Variants in CDH13 observed in about 807,000 individuals in gnomAD.
The protein encoded by CDH13 is cadherin-13.
A neutral mutation model predicts 63.8 loss-of-function variants in CDH13; 24 were observed. The ratio of observed to expected loss-of-function variants is 0.38; its 90% CI spans 0.27 to 0.53. The LOEUF (loss-of-function observed/expected upper bound fraction) is 0.53, where lower values mean the gene tolerates loss of function less well. Ranked by LOEUF, CDH13 falls within the 20% of genes least tolerant of loss-of-function variation. The pLI is 0.85. For synonymous variants in CDH13, 503 were observed against 355.3 expected (o/e 1.42, Z -4.67); for missense variants, 1,049 against 903.1 (o/e 1.16, Z -2.07).
chr16:82,794,183 CTT>C (rs113788844), intron 1 of CDH13, among the ~76,000 whole-genome samples: 2 of 143,094 alleles, frequency 1.4e-5, no homozygotes, highest in Non-Finnish European at 3.1e-5. Flanking sequence ...CTTTTCTTTT[CTT>C]TTTTTTTTTA....
At chr16:83,085,243 A>T (rs2033511507) in intron 3 of CDH13, among the ~76,000 whole-genome samples, 1 of 151,794 alleles carries the variant, frequency 6.6e-6, no homozygotes, top group Non-Finnish European at 1.5e-5. Flanking sequence ...AAAAGCAGAA[A>T]CCCCTGATAA....
At chr16:82,934,193 C>G (rs755440054) in intron 2 of CDH13, among the ~76,000 whole-genome samples, 4 of 152,230 alleles carry the variant, frequency 2.6e-5, no homozygotes, top group Non-Finnish European at 2.9e-5. Context: ...CATTTCCATA[C>G]ATCTTCTGAA....
At position 83,678,898 on chromosome 16, in the gene CDH13, G is replaced by A. The variant is rs117057972; in HGVS notation, c.1538+437G>A. Among the ~76,000 whole-genome samples the A allele has an allele frequency of 6.0e-4, 92 of 152,240 alleles. 1 individual carries two copies. The East Asian group carries it at 8.3e-3, about 14-fold the overall frequency. On this transcript the variant is annotated intron_variant, in intron 10 of 13. Transcript: ENST00000567109. Reference sequence around the variant, plus strand: ...TGGATTCGCAGATTCGTAGAGGTTCGGTACTTGCTCAAGCAGCCCAGCTTG... The same window carrying A: ...TGGATTCGCAGATTCGTAGAGGTTCAGTACTTGCTCAAGCAGCCCAGCTTG...
rs181344027 is a variant in CDH13, at chr16:82,962,989, A to T, written c.158-69021A>T. Among the ~76,000 whole-genome samples, 1,003 of 152,302 alleles carry T rather than the reference A, an allele frequency of 6.6e-3. 10 individuals carry two copies. Among genetic ancestry groups the T allele is most frequent in the African/African-American group, 0.022 (916 of 41,566 alleles). On this transcript the variant is annotated intron_variant, in intron 2 of 13. Coordinates refer to ENST00000567109, the MANE Select transcript of CDH13 (RefSeq NM_001257.5). ...TATTTTTCTTCCTTTTGTAAAAGTT[A>T]TTTGTAATTAACAAATGATCATTTG...
chr16:83,501,480 T>G (rs1001437319), intron 7 of CDH13, among the ~76,000 whole-genome samples: 1 of 152,178 alleles, frequency 6.6e-6, no homozygotes, highest in African/African-American at 2.4e-5. Flanking sequence ...TTATTTCCTC[T>G]GCATGTTAGA....
chr16:83,238,740 T>C (rs987031228), intron 5 of CDH13, among the ~76,000 whole-genome samples: 8 of 150,664 alleles, frequency 5.3e-5, no homozygotes, highest in African/African-American at 1.7e-4. Flanking sequence ...ATATGTGTTT[T>C]TTTGTTTGTT....
rs529046216 is a variant in CDH13 at position 83,754,011 on chromosome 16, G to C, written c.1681+5761G>C. Among the ~76,000 whole-genome samples the C allele has an allele frequency of 1.7e-3, 255 of 152,002 alleles. 1 individual carries two copies. The highest frequency in any genetic ancestry group is 6.0e-3 in the African/African-American group (248 of 41,450). ...GTGAGAGTCAGGCTTGGCCCATGCA[G>C]AGAGCCTAGGATGGAGGGAAAGAAA... On this transcript the variant is annotated intron_variant, in intron 11 of 13. Coordinates refer to ENST00000567109, the MANE Select transcript of CDH13 (RefSeq NM_001257.5).
intron 2 of CDH13, among the ~76,000 whole-genome samples, chr16:82,978,067 C>T (rs1247024551): frequency 5.9e-5 from 9 of 152,092 alleles, no homozygotes; most frequent in South Asian, 4.2e-4. Flanking sequence ...TTTCCCCTGC[C>T]CTAGAGATCT....
intron 4 of CDH13, among the ~76,000 whole-genome samples, chr16:83,137,276 C>G (rs924329189): frequency 6.6e-6 from 1 of 152,180 alleles, no homozygotes; most frequent in Non-Finnish European, 1.5e-5. Context: ...CAAAGCTCCA[C>G]CACTCTTCTC....
intron 6 of CDH13, among the ~76,000 whole-genome samples, chr16:83,348,242 T>G (rs1198265914): frequency 1.3e-5 from 2 of 152,172 alleles, no homozygotes; most frequent in Non-Finnish European, 1.5e-5. Context: ...GCTCTCTTGT[T>G]TCCATGTTTT....
chr16:83,471,095 C>G (rs1048679659), intron 6 of CDH13, among the ~76,000 whole-genome samples: 24 of 152,052 alleles, frequency 1.6e-4, no homozygotes, highest in African/African-American at 5.6e-4. Flanking sequence ...ACTCCCATGT[C>G]TCTCTCTTAC....
intron 6 of CDH13, among the ~76,000 whole-genome samples, chr16:83,484,626 C>T (rs999686162): frequency 6.6e-6 from 1 of 152,224 alleles, no homozygotes; most frequent in Non-Finnish European, 1.5e-5. Context: ...ATGAGGCCAA[C>T]ATCTTTCCCG....
rs1909778007 is a variant in CDH13 at position 82,644,163 on chromosome 16, A to G, written c.45+17026A>G. Among the ~76,000 whole-genome samples the G allele has an allele frequency of 6.6e-6, 1 of 152,184 alleles. No homozygotes were observed. Among genetic ancestry groups the G allele is most frequent in the Non-Finnish European group, 1.5e-5 (1 of 68,030 alleles). On this transcript the variant is annotated intron_variant, in intron 1 of 13. Coordinates refer to ENST00000567109, the MANE Select transcript of CDH13 (RefSeq NM_001257.5). This position sits in a 1 kb window ranked among gnomAD's most constrained non-coding sequence, Gnocchi z 5.7. ...CAGATTGCTGAAGGATTTAGGATTT[A>G]CCCAAATTAACATGAATGTTTGGCA...
rs1175878905 is a variant in CDH13, at chr16:83,047,386, A to C, written c.366+15168A>C. Among the ~76,000 whole-genome samples, 3 of 152,174 alleles carry C rather than the reference A, an allele frequency of 2.0e-5. No individual in the cohort carries two copies. Among genetic ancestry groups the C allele is most frequent in the African/African-American group, 7.2e-5 (3 of 41,446 alleles). On this transcript the variant is annotated intron_variant, in intron 3 of 13. Transcript: ENST00000567109. This position sits in a 1 kb window ranked among gnomAD's most constrained non-coding sequence, Gnocchi z 4.9. ...GAGACTTGAGTGCTTTTTTATTCCA[A>C]GTCCCTTATTCGATTTGGCCCTTGT...
chr16:83,744,553 A>G (rs1229841257), intron 10 of CDH13, among the ~76,000 whole-genome samples: 1 of 152,228 alleles, frequency 6.6e-6, no homozygotes, highest in African/African-American at 2.4e-5. Context: ...TTGCAGCATC[A>G]AAACATTGTT....
intron 2 of CDH13, among the ~76,000 whole-genome samples, chr16:82,917,932 AG>A (rs35704486): frequency 0.026 from 2,056 of 79,226 alleles, 90 homozygotes; most frequent in Non-Finnish European, 0.053. Context: ...AAAAAAAAAA[AG>A]GCATGTAAAG....
In CDH13 at chr16:83,370,162, C is replaced by T. The variant is rs561357606; in HGVS notation, c.781+25156C>T. 4.6e-4 allele frequency among the ~76,000 whole-genome samples: 70 copies of T among 152,218 alleles called. 1 individual carries two copies. The highest frequency in any genetic ancestry group is 4.4e-3 in the Admixed American group (67 of 15,290). Reference sequence around the variant, plus strand: ...CAGCACTTTGGAAGTCTGAGGCGGACGGATCGTGAAGTCAGGAGATTGAGA... The same window carrying T: ...CAGCACTTTGGAAGTCTGAGGCGGATGGATCGTGAAGTCAGGAGATTGAGA... On this transcript the variant is annotated intron_variant, in intron 6 of 13. Transcript: ENST00000567109.
intron 5 of CDH13, among the ~76,000 whole-genome samples, chr16:83,288,959 G>C (rs927344431): frequency 6.6e-6 from 1 of 152,286 alleles, no homozygotes; most frequent in East Asian, 1.9e-4. Flanking sequence ...GAAAAATCAA[G>C]TTACCTGGGC....
chr16:82,828,157 A>G (rs2038345037), intron 1 of CDH13, among the ~76,000 whole-genome samples: 1 of 152,186 alleles, frequency 6.6e-6, no homozygotes, highest in Non-Finnish European at 1.5e-5. Flanking sequence ...CAATACCATC[A>G]CAGAACCATT....
Sources: allele counts gnomAD v4.1 joint callset (sites outside exome capture counted in the v4.1 genomes callset), GRCh38; gene constraint gnomAD v4.1.1; non-coding constraint Gnocchi (gnomAD v3.1); transcripts MANE v1.5; gene names NCBI Gene and HGNC (gene_info 2026-07-23, HGNC 2026-07-21).